SRPK1: variants seen among roughly 807,000 people sequenced by gnomAD.
The protein encoded by SRPK1 is SFRS protein kinase 1.
In SRPK1, 52 loss-of-function variants were observed where a neutral mutation model predicts 89.5. The observed-to-expected ratio is 0.58, with a 90% CI of 0.46 to 0.73. The LOEUF is 0.73. SRPK1 is among the 30% of genes least tolerant of loss of function. The pLI is 0.00. For synonymous variants in SRPK1, 255 were observed against 270.2 expected (o/e 0.94, Z 0.55); for missense variants, 603 against 780.6 (o/e 0.77, Z 2.71).
intron 6 of SRPK1, among the ~76,000 whole-genome samples, chr6:35,878,583 C>A (rs1041062734): frequency 3.9e-5 from 6 of 152,180 alleles, no homozygotes; most frequent in Non-Finnish European, 8.8e-5. Flanking sequence ...AATCCTATAG[C>A]AAGCAGCCCT....
At chr6:35,904,598 A>C (rs1209758220) in intron 2 of SRPK1, among the ~76,000 whole-genome samples, 1 of 151,564 alleles carries the variant, frequency 6.6e-6, no homozygotes, top group Admixed American at 6.6e-5. Context: ...CAGGAGTTTA[A>C]GACCAGCCTG....
intron 2 of SRPK1, among the ~76,000 whole-genome samples, chr6:35,908,311 A>G (rs564017900): frequency 6.6e-6 from 1 of 152,218 alleles, no homozygotes; most frequent in Non-Finnish European, 1.5e-5. Flanking sequence ...AGAGACTTGC[A>G]CTATTTTGAC....
At chr6:35,838,912 A>ATACT (rs951736708) in intron 14 of SRPK1, 1 of 1,121,874 alleles carries the variant, frequency 8.9e-7, no homozygotes, top group African/African-American at 1.6e-5. Context: ...AAAACCAAGG[A>ATACT]TACTGAAGGA....
intron 13 of SRPK1, among the ~76,000 whole-genome samples, chr6:35,842,970 CTT>C (rs534065184): frequency 8.8e-5 from 12 of 136,320 alleles, no homozygotes; most frequent in Admixed American, 1.5e-4. Context: ...AAGAACAGGT[CTT>C]TTTTTTTTTT....
At position 35,869,124 on chromosome 6, in the gene SRPK1, G is replaced by C. The variant is rs781716289; in HGVS notation, c.1412-14C>G. ...CCGTGGATTTTCCTACAGACAACAG[G>C]CATCATCAATAAGACTGTTCAATGA... On this transcript the variant is annotated splice_polypyrimidine_tract_variant and intron_variant, in intron 11 of 15. Coordinates refer to ENST00000373825, the MANE Select transcript of SRPK1 (RefSeq NM_003137.5). The C allele has an allele frequency of 1.9e-6, 3 of 1,592,922 alleles. No individual in the cohort carries two copies. In the East Asian group the frequency reaches 6.7e-5, roughly 36 times the overall value.
chr6:35,839,899 G>C (rs762708597), intron 14 of SRPK1, among the ~76,000 whole-genome samples: 9 of 151,696 alleles, frequency 5.9e-5, no homozygotes, highest in Non-Finnish European at 1.3e-4. Flanking sequence ...GGCTGGTCTC[G>C]AACTCCTGAC....
chr6:35,910,072 C>G (rs1056682143), intron 2 of SRPK1, among the ~76,000 whole-genome samples: 5 of 152,092 alleles, frequency 3.3e-5, no homozygotes, highest in African/African-American at 1.2e-4. Flanking sequence ...CAACCTCCAC[C>G]TCCTGGGTTC....
At chr6:35,892,687 A>ACGACGACG (rs1561989638) in intron 2 of SRPK1, among the ~76,000 whole-genome samples, 3 of 126,520 alleles carry the variant, frequency 2.4e-5, no homozygotes, top group Admixed American at 7.8e-5. Flanking sequence ...CAACAACAAC[A>ACGACGACG]ACGACAACAA....
chr6:35,890,804 A>G, intron 3 of SRPK1, 91 bp downstream of exon 3: 1 of 1,169,676 alleles, frequency 8.5e-7, no homozygotes, highest in Non-Finnish European at 1.1e-6. Context: ...AACAGCAATA[A>G]AACTGTGTTT....
At chr6:35,915,585 A>C (rs1047190324) in intron 2 of SRPK1, among the ~76,000 whole-genome samples, 4 of 152,170 alleles carry the variant, frequency 2.6e-5, no homozygotes, top group Non-Finnish European at 5.9e-5. Flanking sequence ...GAAAAACTGG[A>C]AACAGCCCAT....
At chr6:35,847,612 A>C (rs1769453527) in intron 13 of SRPK1, among the ~76,000 whole-genome samples, 1 of 152,148 alleles carries the variant, frequency 6.6e-6, no homozygotes, top group African/African-American at 2.4e-5. Flanking sequence ...AACACACAAA[A>C]ATCAGCAGCA....
chr6:35,889,031 TAA>T (rs1279102161), intron 3 of SRPK1, 108 bp from the exon 4 acceptor site: 29 of 671,794 alleles, frequency 4.3e-5, no homozygotes, highest in Non-Finnish European at 1.3e-5. Context: ...CTTTTATCAA[TAA>T]AAAGTTTCTT....
chr6:35,920,897 A>C, intron 1 of SRPK1, 147 bp downstream of exon 1: 1 of 806,686 alleles, frequency 1.2e-6, no homozygotes, highest in Non-Finnish European at 1.8e-6. Context: ...GCCCAGAGGC[A>C]GGGGGTGTGG....
At position 35,904,364 on chromosome 6, in the gene SRPK1, T is replaced by TA. The variant is rs375149865; in HGVS notation, c.75-13352dup. 4.8e-3 allele frequency among the ~76,000 whole-genome samples: 738 copies of TA among 152,264 alleles called. 5 individuals are homozygous for TA. Among genetic ancestry groups the TA allele is most frequent in the African/African-American group, 0.013 (523 of 41,554 alleles). On this transcript the variant is annotated intron_variant, in intron 2 of 15. Coordinates refer to ENST00000373825, the MANE Select transcript of SRPK1 (RefSeq NM_003137.5). ...CATGGGGCTCTTCCACAACTGTGCT[T>TA]AATACTATCACTCAGAGAGGGAACT...
chr6:35,915,404 C>T (rs1186717907), intron 2 of SRPK1, among the ~76,000 whole-genome samples: 1 of 70,378 alleles, frequency 1.4e-5, no homozygotes, highest in South Asian at 6.1e-4. Context: ...AAGACACCGT[C>T]TCAAAAAAAA....
chr6:35,921,088 A>C lies in SRPK1; in HGVS notation c.-32T>G. The C allele has an allele frequency of 1.3e-6, 2 of 1,482,064 alleles. No individual in the cohort carries two copies. Among genetic ancestry groups the C allele is most frequent in the Non-Finnish European group, 9.0e-7 (1 of 1,111,588 alleles). The allele number at this position is 1,482,064 out of a possible 1,614,324, so 91.8% of individuals were successfully genotyped here. A position where few individuals can be genotyped will look rare whatever the true frequency, so the allele number is the denominator to read the frequency against. Reference sequence around the variant, plus strand: ...ACCGGTAATCGCCAGGCGCCTGCGCACTCGAGTGGCGGCGACTCCCGCTCC... The same window carrying C: ...ACCGGTAATCGCCAGGCGCCTGCGCCCTCGAGTGGCGGCGACTCCCGCTCC... On this transcript the variant is annotated 5_prime_UTR_variant, in exon 1 of 16. Transcript: ENST00000373825.
At chr6:35,893,578 C>A (rs1245902257) in intron 2 of SRPK1, among the ~76,000 whole-genome samples, 3 of 151,792 alleles carry the variant, frequency 2.0e-5, no homozygotes, top group African/African-American at 7.3e-5. Flanking sequence ...ATTTATCTTG[C>A]AGGGGGCAAA....
At position 35,836,057 on chromosome 6, in the gene SRPK1, C is replaced by G. The variant is rs182172775; in HGVS notation, c.1784-569G>C. Reference sequence around the variant, plus strand: ...GGTCCCCAACTCTATACCAATACCCCCTATGGTACCAGTCTGCGGTCTGTC... The same window carrying G: ...GGTCCCCAACTCTATACCAATACCCGCTATGGTACCAGTCTGCGGTCTGTC... On this transcript the variant is annotated intron_variant, in intron 15 of 15. Coordinates refer to ENST00000373825, the MANE Select transcript of SRPK1 (RefSeq NM_003137.5). Among the ~76,000 whole-genome samples, 38 of 152,242 alleles carry G rather than the reference C, an allele frequency of 2.5e-4. 1 individual carries two copies. Among genetic ancestry groups the G allele is most frequent in the Admixed American group, 2.2e-3 (33 of 15,282 alleles).
intron 2 of SRPK1, among the ~76,000 whole-genome samples, chr6:35,895,464 T>A (rs2127260336): frequency 6.6e-6 from 1 of 151,980 alleles, no homozygotes; most frequent in Non-Finnish European, 1.5e-5. Context: ...TGTGTGTGTG[T>A]GTGTTCATCC....
Sources: allele counts gnomAD v4.1 joint callset (sites outside exome capture counted in the v4.1 genomes callset), GRCh38; gene constraint gnomAD v4.1.1; transcripts MANE v1.5; gene names NCBI Gene and HGNC (gene_info 2026-07-23, HGNC 2026-07-21).